The following CTNNA2 variants were observed in gnomAD, a reference collection of about 807,000 sequenced individuals.
CTNNA2 encodes the protein catenin alpha-2.
A neutral mutation model predicts 101.0 loss-of-function variants in CTNNA2; 42 were observed. The observed-to-expected ratio is 0.42, with a 90% CI of 0.32 to 0.54. The LOEUF is 0.54. Ranked by LOEUF, CTNNA2 falls within the 20% of genes least tolerant of loss-of-function variation. The pLI, the probability that CTNNA2 is intolerant of heterozygous loss-of-function variation, is 0.14. For synonymous variants in CTNNA2, 450 were observed against 456.4 expected (o/e 0.99, Z 0.18); for missense variants, 871 against 1,223.1 (o/e 0.71, Z 4.29).
intron 1 of CTNNA2, among the ~76,000 whole-genome samples, chr2:79,635,349 G>A (rs112967972): frequency 8.6e-5 from 13 of 151,780 alleles, no homozygotes; most frequent in African/African-American, 2.9e-4. Flanking sequence ...GGAGAATGGC[G>A]TGAACCCGGG....
intron 9 of CTNNA2, among the ~76,000 whole-genome samples, chr2:80,433,774 CT>C (rs1447491097): frequency 6.6e-6 from 1 of 152,172 alleles, no homozygotes; most frequent in Non-Finnish European, 1.5e-5. Context: ...CACCAGAAAC[CT>C]TTCAAACGGT....
chr2:79,403,666 G>T (rs1416608212), intron 4 of CTNNA2, among the ~76,000 whole-genome samples: 2 of 151,942 alleles, frequency 1.3e-5, no homozygotes, highest in Admixed American at 6.6e-5. Flanking sequence ...TGGTTATCAA[G>T]ATTTCCACAT....
rs1209316774 is a variant in CTNNA2 at position 79,336,177 on chromosome 2, G to A, written c.-318+23381G>A. On this transcript the variant is annotated intron_variant, in intron 3 of 21. Coordinates refer to the CTNNA2 transcript ENST00000466387. ...TAATGCAATTCATCTCACACACCAA[G>A]TCAGAAATATTCAGAAAGATTGCCT... Among the ~76,000 whole-genome samples, 3 of 152,176 alleles carry A rather than the reference G, an allele frequency of 2.0e-5. No homozygotes were observed. The East Asian group carries it at 5.8e-4, about 29-fold the overall frequency.
chr2:79,597,887 T>C (rs535608098), intron 1 of CTNNA2, among the ~76,000 whole-genome samples: 1 of 152,326 alleles, frequency 6.6e-6, no homozygotes, highest in South Asian at 2.1e-4. Flanking sequence ...ACCACTGATA[T>C]CATACAGAAT....
chr2:80,339,199 G>A (rs1412130974), intron 7 of CTNNA2, among the ~76,000 whole-genome samples: 1 of 152,118 alleles, frequency 6.6e-6, no homozygotes, highest in Non-Finnish European at 1.5e-5. Flanking sequence ...ACATGTGTGT[G>A]TGTGTATCAC....
rs141502477 is a variant in CTNNA2, at chr2:80,454,706, C to T, written c.1290+35105C>T. ...CTTATTAGTTCTGCCGGGCAGCATG[C>T]GGCACACTTGGTCTCCCCAGGTCTC... On this transcript the variant is annotated intron_variant, in intron 9 of 18. Coordinates refer to ENST00000402739, the MANE Select transcript of CTNNA2 (RefSeq NM_001282597.3). Among the ~76,000 whole-genome samples, 21 of 152,292 alleles carry T rather than the reference C, an allele frequency of 1.4e-4. No homozygotes were observed. The South Asian group carries it at 1.9e-3, about 14-fold the overall frequency.
chr2:80,312,408 G>A (rs2149229994), intron 7 of CTNNA2, among the ~76,000 whole-genome samples: 1 of 152,332 alleles, frequency 6.6e-6, no homozygotes, highest in African/African-American at 2.4e-5. Flanking sequence ...AAGTGACTTA[G>A]GTCAGAGCAG....
intron 3 of CTNNA2, among the ~76,000 whole-genome samples, chr2:79,856,980 G>T (rs1227725824): frequency 6.6e-6 from 1 of 152,016 alleles, no homozygotes; most frequent in South Asian, 2.1e-4. Flanking sequence ...ATCTATTATT[G>T]TAACTTCCCA....
rs534652526 is a variant in CTNNA2 at position 79,482,681 on chromosome 2, A to T, written c.-134-22373A>T. Among the ~76,000 whole-genome samples the T allele has an allele frequency of 8.5e-5, 13 of 152,320 alleles. No homozygotes were observed. The South Asian group carries it at 1.0e-3, about 12-fold the overall frequency. ...TAAAAAGAATTTAGGTATGACTGGC[A>T]GCTAAAGAAGGATTCACCAGCATTC... On this transcript the variant is annotated intron_variant, in intron 4 of 21. Transcript: ENST00000466387.
chr2:79,685,930 G>A (rs559044457), intron 2 of CTNNA2, among the ~76,000 whole-genome samples: 58 of 152,182 alleles, frequency 3.8e-4, no homozygotes, highest in African/African-American at 1.2e-3. Flanking sequence ...TATGTGCAGC[G>A]TACTGACCAC....
chr2:79,790,537 AC>A, intron 3 of CTNNA2, among the ~76,000 whole-genome samples: 1 of 152,296 alleles, frequency 6.6e-6, no homozygotes, highest in Non-Finnish European at 1.5e-5. Flanking sequence ...TAAATAAATG[AC>A]CTTCTAAGAT....
intron 3 of CTNNA2, among the ~76,000 whole-genome samples, chr2:79,355,079 T>G (rs553979717): frequency 1.0e-3 from 155 of 152,262 alleles, no homozygotes; most frequent in African/African-American, 3.6e-3. Context: ...TCCTGCTCTG[T>G]TAATCTATGT....
chr2:79,770,498 A>T (rs1415590523), intron 3 of CTNNA2, among the ~76,000 whole-genome samples: 2 of 152,226 alleles, frequency 1.3e-5, no homozygotes, highest in Non-Finnish European at 2.9e-5. Flanking sequence ...CAATAAGTAA[A>T]GGGTAACACT....
intron 1 of CTNNA2, among the ~76,000 whole-genome samples, chr2:79,596,155 G>A (rs1245310353): frequency 6.6e-6 from 1 of 151,948 alleles, no homozygotes; most frequent in Non-Finnish European, 1.5e-5. Context: ...TCGGCCTGGA[G>A]CTATTTGAAT....
chr2:80,608,853 T>G (rs1439388246), intron 17 of CTNNA2, among the ~76,000 whole-genome samples: 2 of 151,894 alleles, frequency 1.3e-5, no homozygotes, highest in African/African-American at 2.4e-5. Context: ...ACTAACATAA[T>G]TGTCGAACAC....
intron 2 of CTNNA2, among the ~76,000 whole-genome samples, chr2:79,298,316 A>T (rs73938168): frequency 5.1e-4 from 77 of 152,278 alleles, no homozygotes; most frequent in African/African-American, 1.7e-3. Flanking sequence ...GAAAGAGTTC[A>T]TTTATTACTG....
At chr2:80,256,205 C>T (rs1014993988) in intron 7 of CTNNA2, among the ~76,000 whole-genome samples, 1 of 151,992 alleles carries the variant, frequency 6.6e-6, no homozygotes, top group Non-Finnish European at 1.5e-5. Context: ...TGTTGCTGCC[C>T]TCAGCCATAC....
chr2:79,389,938 A>G (rs1469726078), intron 4 of CTNNA2, among the ~76,000 whole-genome samples: 1 of 152,210 alleles, frequency 6.6e-6, no homozygotes, highest in Non-Finnish European at 1.5e-5. Flanking sequence ...ATTACTTCAG[A>G]ATAAGCATTC....
intron 5 of CTNNA2, among the ~76,000 whole-genome samples, chr2:79,505,698 G>A (rs1171523004): frequency 6.6e-6 from 1 of 152,142 alleles, no homozygotes; most frequent in Non-Finnish European, 1.5e-5. Context: ...AAAGCATGTG[G>A]GCTGCATTAT....
Sources: gnomAD v4.1 joint callset for allele counts (sites outside exome capture counted in the v4.1 genomes callset) on GRCh38, gnomAD v4.1.1 for gene constraint, MANE v1.5 for transcripts, NCBI Gene and HGNC (gene_info 2026-07-23, HGNC 2026-07-21) for gene names.